Variants in PAK5 observed in about 807,000 individuals in gnomAD.
PAK5 encodes serine/threonine-protein kinase PAK 5.
Under a neutral mutation model 65.9 loss-of-function variants are expected in PAK5, and 16 were observed. The ratio of observed to expected loss-of-function variants is 0.24; its 90% CI spans 0.16 to 0.37. The LOEUF is 0.37. Ranked by LOEUF, PAK5 falls within the 10% of genes least tolerant of loss-of-function variation. The probability of loss-of-function intolerance (pLI) is 1.00; values close to 1 mark genes in which losing one functional copy is unlikely to be tolerated. For synonymous variants in PAK5, 371 were observed against 354.9 expected, an observed-to-expected ratio of 1.05 and a Z score of -0.51; for missense variants, 785 against 903.9, an observed-to-expected ratio of 0.87 and a Z score of 1.69.
intron 3 of PAK5, among the ~76,000 whole-genome samples, 182 bp from the exon 4 acceptor site, chr20:9,581,112 T>C (rs113240540): frequency 3.3e-5 from 5 of 152,260 alleles, no homozygotes; most frequent in African/African-American, 9.6e-5. Flanking sequence ...AATCAAATAG[T>C]AAACAATCTC....
At position 9,571,451 on chromosome 20, in the gene PAK5, A is replaced by C. The variant is rs151071378; in HGVS notation, c.991-5067T>G. On this transcript the variant is annotated intron_variant, in intron 4 of 9. Coordinates refer to ENST00000353224, the MANE Select transcript of PAK5 (RefSeq NM_177990.4). The stretch of plus-strand genomic sequence containing the variant: ...AACTGCCCCCAAGCAATGCAGGGCA[A>C]ATAGCTCCATACTTCCAAGGGGACG... 1.1e-3 allele frequency among the ~76,000 whole-genome samples: 174 copies of C among 152,330 alleles called. 2 individuals are homozygous for C. In the East Asian group the frequency reaches 0.012, roughly 10 times the overall value.
At position 9,539,636 on chromosome 20, in the gene PAK5, A is replaced by G; in HGVS notation, c.2005-19T>C. ...AAGAAACCTGTGAAAACACACAGAT[A>G]CCAATCTGAGGACTAACACAGACAC... On this transcript the variant is annotated intron_variant, in intron 9 of 9. Coordinates refer to ENST00000353224, the MANE Select transcript of PAK5 (RefSeq NM_177990.4). The G allele has an allele frequency of 6.2e-7, 1 of 1,610,598 alleles. No homozygotes were observed. Among genetic ancestry groups the G allele is most frequent in the South Asian group, 1.1e-5 (1 of 90,952 alleles).
chr20:9,632,201 A>G (rs948440357), intron 3 of PAK5, among the ~76,000 whole-genome samples: 1 of 152,220 alleles, frequency 6.6e-6, no homozygotes, highest in African/African-American at 2.4e-5. Flanking sequence ...TTTCCCAGCT[A>G]TCAAAGCACA....
chr20:9,733,430 T>C (rs1386587639), intron 1 of PAK5, among the ~76,000 whole-genome samples: 4 of 151,256 alleles, frequency 2.6e-5, no homozygotes, highest in Non-Finnish European at 5.9e-5. Flanking sequence ...CTCTCTCTCT[T>C]TCTCTCTCTC....
chr20:9,657,608 T>C (rs914661948), intron 2 of PAK5, among the ~76,000 whole-genome samples: 1 of 152,210 alleles, frequency 6.6e-6, no homozygotes, highest in African/African-American at 2.4e-5. Context: ...TACTGGAGTA[T>C]TTAAAATTAA....
chr20:9,631,167 C>T (rs2046916130), intron 3 of PAK5, among the ~76,000 whole-genome samples: 1 of 152,104 alleles, frequency 6.6e-6, no homozygotes, highest in Admixed American at 6.6e-5. Context: ...GGTAGACAGA[C>T]CCTAGGGTGA....
At chr20:9,622,539 G>A (rs1320138275) in intron 3 of PAK5, among the ~76,000 whole-genome samples, 3 of 152,198 alleles carry the variant, frequency 2.0e-5, no homozygotes, top group African/African-American at 7.2e-5. Flanking sequence ...TCCAACCCGC[G>A]GGTCATGGAC....
At chr20:9,676,518 C>A (rs2047574653) in intron 2 of PAK5, among the ~76,000 whole-genome samples, 1 of 148,980 alleles carries the variant, frequency 6.7e-6, no homozygotes, top group African/African-American at 2.4e-5. Flanking sequence ...TTATTGATGT[C>A]ATTTTTTAAC....
chr20:9,734,652 C>T (rs1408667289), intron 1 of PAK5, among the ~76,000 whole-genome samples: 1 of 151,966 alleles, frequency 6.6e-6, no homozygotes, highest in African/African-American at 2.4e-5. Context: ...TGAGAATTTC[C>T]CTGTAGCTAA....
intron 4 of PAK5, among the ~76,000 whole-genome samples, chr20:9,578,663 A>G (rs1322176222): frequency 1.3e-5 from 2 of 152,234 alleles, no homozygotes; most frequent in Non-Finnish European, 2.9e-5. Flanking sequence ...TATTTATTTC[A>G]TATCACTCAC....
intron 3 of PAK5, among the ~76,000 whole-genome samples, chr20:9,604,257 G>T (rs756342987): frequency 7.2e-5 from 11 of 152,160 alleles, no homozygotes; most frequent in Non-Finnish European, 1.5e-4. Flanking sequence ...GTTAAATGAA[G>T]GTTGCCAGCT....
At chr20:9,720,171 C>G (rs1392063403) in intron 1 of PAK5, among the ~76,000 whole-genome samples, 1 of 152,110 alleles carries the variant, frequency 6.6e-6, no homozygotes. Flanking sequence ...CACTCTCCTT[C>G]TTTAAAACAG....
chr20:9,641,573 C>A (rs1452711050), intron 3 of PAK5, among the ~76,000 whole-genome samples: 1 of 151,882 alleles, frequency 6.6e-6, no homozygotes, highest in Non-Finnish European at 1.5e-5. Context: ...GCCTGCCAGT[C>A]CTGTGCGGTG....
intron 1 of PAK5, among the ~76,000 whole-genome samples, chr20:9,718,616 C>G (rs2048178331): frequency 6.6e-6 from 1 of 152,064 alleles, no homozygotes; most frequent in Non-Finnish European, 1.5e-5. Flanking sequence ...TTAAAACCTT[C>G]CAACAACTCT....
chr20:9,657,483 G>A (rs773852355), intron 2 of PAK5, among the ~76,000 whole-genome samples: 2 of 151,914 alleles, frequency 1.3e-5, no homozygotes, highest in East Asian at 1.9e-4. Flanking sequence ...TTTTTTGATC[G>A]CTTGTATTAC....
chr20:9,825,675 G>C (rs2049475895), intron 1 of PAK5, among the ~76,000 whole-genome samples: 1 of 152,064 alleles, frequency 6.6e-6, no homozygotes, highest in South Asian at 2.1e-4. Context: ...TTATGCAAAT[G>C]TTTTTACCAA....
At chr20:9,813,740 A>T (rs953050953) in intron 1 of PAK5, among the ~76,000 whole-genome samples, 19 of 152,200 alleles carry the variant, frequency 1.2e-4, no homozygotes, top group African/African-American at 4.3e-4. Context: ...GGCACAAATG[A>T]GGACTTTATG....
chr20:9,833,793 T>C (rs1385917406), intron 1 of PAK5, among the ~76,000 whole-genome samples: 1 of 152,220 alleles, frequency 6.6e-6, no homozygotes, highest in African/African-American at 2.4e-5. Context: ...TATGTCTTTC[T>C]TTGTTTGCTC....
chr20:9,646,080 C>A (rs955953057), intron 2 of PAK5, among the ~76,000 whole-genome samples: 13 of 152,176 alleles, frequency 8.5e-5, no homozygotes, highest in African/African-American at 2.7e-4. Flanking sequence ...TGTTGATGGA[C>A]TAAAATCACC....
Sources: gnomAD v4.1 joint callset for allele counts (sites outside exome capture counted in the v4.1 genomes callset) on GRCh38, gnomAD v4.1.1 for gene constraint, MANE v1.5 for transcripts, NCBI Gene and HGNC (gene_info 2026-07-23, HGNC 2026-07-21) for gene names.